The following DNAH17 variants were observed in gnomAD, a reference collection of about 807,000 sequenced individuals.
DNAH17 encodes the protein dynein axonemal heavy chain 17, also known as axonemal beta dynein heavy chain 17.
In DNAH17, 376 loss-of-function variants were observed where a neutral mutation model predicts 485.6. The ratio of observed to expected loss-of-function variants is 0.77; its 90% CI spans 0.71 to 0.84. The LOEUF (loss-of-function observed/expected upper bound fraction) is 0.84, where lower values mean the gene tolerates loss of function less well. Ranked by LOEUF, DNAH17 falls within the 40% of genes least tolerant of loss-of-function variation. The pLI is 0.00. For missense variants in DNAH17, 6,370 were observed against 5,839.3 expected (o/e 1.09, Z -2.96); for synonymous variants, 3,031 against 2,405.9 (o/e 1.26, Z -7.60).
intron 41 of DNAH17, among the ~76,000 whole-genome samples, chr17:78,493,785 A>G (rs2089959436): frequency 6.6e-6 from 1 of 152,214 alleles, no homozygotes; most frequent in Admixed American, 6.5e-5. Flanking sequence ...CAAGGAGAGA[A>G]GAGCAGGAAG....
Position 78,571,790 on chromosome 17 carries a change from G to A in DNAH17, c.540-8C>T. On this transcript the variant is annotated splice_region_variant and splice_polypyrimidine_tract_variant and intron_variant, in intron 3 of 80. Transcript: ENST00000389840. Reference sequence around the variant, plus strand: ...TCCAGTGAAGAGGGGATCCTGCCCAGTGGAAGGTTGGGGCATTGCTCTCAT... The same window carrying A: ...TCCAGTGAAGAGGGGATCCTGCCCAATGGAAGGTTGGGGCATTGCTCTCAT... 1 of 1,567,396 alleles carries A rather than the reference G, an allele frequency of 6.4e-7. No homozygotes were observed. The highest frequency in any genetic ancestry group is 1.2e-5 in the South Asian group (1 of 82,502).
chr17:78,466,623 A>C, intron 56 of DNAH17, 32 bp downstream of exon 56: 4 of 1,582,038 alleles, frequency 2.5e-6, no homozygotes, highest in Non-Finnish European at 3.4e-6. Flanking sequence ...TCTGGGCTCT[A>C]CACTCAGGCA....
rs780685569 is a variant in DNAH17 at position 78,565,969 on chromosome 17, AAAAAC to A, written c.1569+640_1569+644del. Among the ~76,000 whole-genome samples, 306 of 151,986 alleles carry A rather than the reference AAAAAC, an allele frequency of 2.0e-3. 2 individuals are homozygous for A. The highest frequency in any genetic ancestry group is 1.2e-3 in the Non-Finnish European group (81 of 68,022). ...CCATCTCAAAAAACAAACAAACAAC[AAAAAC>A]AAAACAAAACAAAAAACAAACAAAC... On this transcript the variant is annotated intron_variant, in intron 11 of 80. Transcript: ENST00000389840.
In DNAH17 at chr17:78,574,881, G is replaced by C; in HGVS notation, c.177C>G (p.Ala59=). 1 of 1,614,010 alleles carries C rather than the reference G, an allele frequency of 6.2e-7. No individual in the cohort carries two copies. The highest frequency in any genetic ancestry group is 8.5e-7 in the Non-Finnish European group (1 of 1,179,900). Residue 59 remains alanine (A), a synonymous_variant, in exon 2 of 81, where the codon GCC becomes GCG. Transcript: ENST00000389840. ...AGCCCAGGCAGGGTATGATCATGCC[G>C]GCTGCATTGAGCGTCAGCACCAGCA... is the stretch of plus-strand genomic sequence containing the variant. ...VQVLVLTLNA[A]GMIIPCLGFP...
chr17:78,494,126 G>C lies in DNAH17; in HGVS notation c.6318C>G (p.Ser2106Arg). The change falls in exon 41 of 81, where the codon AGC becomes AGG. Residue 2106 changes from serine to arginine, a missense_variant. Ser to Arg is a moderately radical substitution (Grantham distance 110, BLOSUM62 -1). Transcript: ENST00000389840. The stretch of plus-strand genomic sequence containing the variant: ...CCAGCTGCACCACCTTCAGCACGAA[G>C]CTGTCCTCCGCCTGCAGCTTGAGCT... The part of the protein sequence containing the change: ...IVELKLQAED[S>R]FVLKVVQLEE... 6.2e-7 allele frequency: 1 copy of C among 1,612,806 alleles called. No individual in the cohort carries two copies. The highest frequency in any genetic ancestry group is 8.5e-7 in the Non-Finnish European group (1 of 1,179,838).
chr17:78,473,768 T>A (rs2088883064), intron 54 of DNAH17, among the ~76,000 whole-genome samples: 1 of 152,034 alleles, frequency 6.6e-6, no homozygotes, highest in African/African-American at 2.4e-5. Flanking sequence ...AACGATGCCG[T>A]CATGAACGTA....
At position 78,459,744 on chromosome 17, in the gene DNAH17, C is replaced by T. The variant is rs374337500; in HGVS notation, c.9653+40G>A. The T allele has an allele frequency of 3.8e-5, 61 of 1,608,870 alleles. No individual in the cohort carries two copies. The Admixed American group carries it at 5.7e-4, about 15-fold the overall frequency. On this transcript the variant is annotated intron_variant, in intron 60 of 80. Transcript: ENST00000389840. ...ATCGTGCCTTGGCCTGATGGAGAAT[C>T]GGAGGGAAGCCCCGGCTACGAGGCC...
chr17:78,432,754 G>C lies in DNAH17; in HGVS notation c.12225+1275C>G, dbSNP rs532853846. 2.2e-3 allele frequency among the ~76,000 whole-genome samples: 341 copies of C among 152,298 alleles called. 2 individuals are homozygous for C. Among genetic ancestry groups the C allele is most frequent in the African/African-American group, 8.0e-3 (331 of 41,564 alleles). ...TATTACAAGGAGATGGAAAAAAGGA[G>C]GGGGTTCCTGAGACTGGCATTGCCA... On this transcript the variant is annotated intron_variant, in intron 75 of 80. Coordinates refer to ENST00000389840, the MANE Select transcript of DNAH17 (RefSeq NM_173628.4).
chr17:78,540,271 T>A, intron 17 of DNAH17, among the ~76,000 whole-genome samples: 1 of 142,678 alleles, frequency 7.0e-6, no homozygotes, highest in Non-Finnish European at 1.5e-5. Context: ...AGGTGAAGGT[T>A]GACCATCCTC....
chr17:78,434,281 C>T (rs1167923699), intron 74 of DNAH17, 61 bp from the exon 75 acceptor site: 1 of 1,514,626 alleles, frequency 6.6e-7, no homozygotes. Context: ...CAGAAATGCC[C>T]CTGAGGGTGA....
intron 14 of DNAH17, among the ~76,000 whole-genome samples, chr17:78,557,896 A>G (rs2092062010): frequency 6.6e-6 from 1 of 152,080 alleles, no homozygotes; most frequent in Non-Finnish European, 1.5e-5. Context: ...GGACGGCAGG[A>G]CAGAGATCTC....
Position 78,462,829 on chromosome 17 carries a change from G to A in DNAH17, c.9174+15C>T, listed in dbSNP as rs60301183. The A allele has an allele frequency of 4.1e-3, 6,542 of 1,613,264 alleles. 227 individuals carry two copies. The African/African-American group carries it at 0.076, about 19-fold the overall frequency. ...GGAACGGCACAGGAGCTGGCAGCCA[G>A]CCCCCCTCTCCTACCTGGGAAGCCG... On this transcript the variant is annotated intron_variant, in intron 57 of 80. Coordinates refer to ENST00000389840, the MANE Select transcript of DNAH17 (RefSeq NM_173628.4).
chr17:78,558,801 TCAA>T (rs1169683907), intron 13 of DNAH17, among the ~76,000 whole-genome samples: 1 of 152,190 alleles, frequency 6.6e-6, no homozygotes, highest in East Asian at 1.9e-4. Context: ...TGACCCGAGA[TCAA>T]CAACAGGGAC....
chr17:78,447,900 G>A (rs944454768), intron 69 of DNAH17, among the ~76,000 whole-genome samples: 2 of 151,086 alleles, frequency 1.3e-5, no homozygotes, highest in Non-Finnish European at 2.9e-5. Flanking sequence ...GGCCGGGTGC[G>A]GTGGCTCATG....
At chr17:78,466,466 A>G (rs1035919839) in intron 56 of DNAH17, among the ~76,000 whole-genome samples, 189 bp downstream of exon 56, 6 of 151,728 alleles carry the variant, frequency 4.0e-5, no homozygotes, top group Non-Finnish European at 8.9e-5. Context: ...AAAAATAAAA[A>G]ATAAAAAATA....
chr17:78,461,451 G>A (rs886422712), intron 58 of DNAH17, 93 bp downstream of exon 58: 17 of 1,299,692 alleles, frequency 1.3e-5, no homozygotes, highest in Admixed American at 6.6e-5. Flanking sequence ...CCTTTCCCAC[G>A]CCTGTCGGTG....
intron 11 of DNAH17, among the ~76,000 whole-genome samples, chr17:78,563,598 C>G (rs1055323552): frequency 2.6e-5 from 4 of 152,120 alleles, no homozygotes; most frequent in Admixed American, 2.6e-4. Flanking sequence ...TCCCATTTCT[C>G]TCTCCTCCTT....
Position 78,427,030 on chromosome 17 carries a change from C to T in DNAH17, c.12667G>A (p.Glu4223Lys), listed in dbSNP as rs376964362. 1.0e-5 allele frequency: 16 copies of T among 1,606,184 alleles called. No individual in the cohort carries two copies. Among genetic ancestry groups the T allele is most frequent in the South Asian group, 7.8e-5 (7 of 89,414 alleles). Residue 4223 changes from glutamate (E) to lysine (K), a missense_variant, in exon 78 of 81, where the codon GAA becomes AAA. Transcript: ENST00000389840. ...GCGACTACCACGTAGGGGGTCTTTT[C>T]CGCTGCCTTTGCCATGATCTCAGCC... ...NMAEIMAKAAEKTPYVVVAFQ... is the reference protein window; with the variant it reads ...NMAEIMAKAAKKTPYVVVAFQ...
intron 55 of DNAH17, among the ~76,000 whole-genome samples, chr17:78,467,743 G>A (rs1374925773): frequency 1.3e-5 from 2 of 152,136 alleles, no homozygotes; most frequent in Non-Finnish European, 2.9e-5. Context: ...TAGAGGTGAT[G>A]TCGAAAATCA....
Sources: gnomAD v4.1 joint callset for allele counts (sites outside exome capture counted in the v4.1 genomes callset) on GRCh38, gnomAD v4.1.1 for gene constraint, MANE v1.5 for transcripts, NCBI Gene and HGNC (gene_info 2026-07-23, HGNC 2026-07-21) for gene names.